TMEM135: variants seen among roughly 807,000 people sequenced by gnomAD.
The protein encoded by TMEM135 is transmembrane protein 135, also known as peroxisomal membrane protein 52.
Under a neutral mutation model 60.3 loss-of-function variants are expected in TMEM135, and 30 were observed. The observed-to-expected ratio is 0.50, with a 90% CI of 0.37 to 0.68. The LOEUF (loss-of-function observed/expected upper bound fraction) is 0.68. Among genes scored for constraint, TMEM135 ranks in the 30% least tolerant of loss-of-function variants. The pLI is 0.00. For missense variants in TMEM135, 468 were observed against 548.8 expected (o/e 0.85, Z 1.47); for synonymous variants, 190 against 186.7 (o/e 1.02, Z -0.14).
intron 4 of TMEM135, among the ~76,000 whole-genome samples, chr11:87,121,921 T>G (rs1297575118): frequency 3.9e-5 from 6 of 152,184 alleles, no homozygotes; most frequent in Non-Finnish European, 5.9e-5. Context: ...ATTATAGGCG[T>G]AAGCCACTGC....
chr11:87,131,928 A>G (rs1285377027), intron 4 of TMEM135, among the ~76,000 whole-genome samples: 3 of 151,952 alleles, frequency 2.0e-5, no homozygotes, highest in African/African-American at 7.3e-5. Context: ...TTCTCATAGG[A>G]GCGAACTCTT....
intron 5 of TMEM135, among the ~76,000 whole-genome samples, chr11:87,173,650 A>T (rs1299625609): frequency 3.3e-5 from 5 of 152,156 alleles, no homozygotes; most frequent in Non-Finnish European, 5.9e-5. Flanking sequence ...CTAAATCTTA[A>T]CTTATTTTTA....
intron 4 of TMEM135, among the ~76,000 whole-genome samples, chr11:87,109,611 T>A (rs1857690251): frequency 6.6e-6 from 1 of 152,200 alleles, no homozygotes; most frequent in Admixed American, 6.5e-5. Flanking sequence ...TATTAAGTAT[T>A]TTTGGATCAC....
rs192065081 is a variant in TMEM135 at position 87,043,024 on chromosome 11, C to T, written c.141+4838C>T. 7.1e-3 allele frequency among the ~76,000 whole-genome samples: 1,042 copies of T among 147,120 alleles called. 15 individuals carry two copies. The highest frequency in any genetic ancestry group is 0.024 in the African/African-American group (957 of 39,168). ...AGGCTGGAGTGCAGTGGTGTGATCT[C>T]GGCTCACTACAACCTCCGCCTCCCA... On this transcript the variant is annotated intron_variant, in intron 1 of 14. Coordinates refer to ENST00000305494, the MANE Select transcript of TMEM135 (RefSeq NM_022918.4).
At chr11:87,091,194 T>C (rs12421873) in intron 3 of TMEM135, among the ~76,000 whole-genome samples, 168 bp from the exon 4 acceptor site, 1 of 152,062 alleles carries the variant, frequency 6.6e-6, no homozygotes, top group Non-Finnish European at 1.5e-5. Flanking sequence ...TGCAGCTAAA[T>C]TTAGGTCAGA....
chr11:87,157,521 T>G, intron 5 of TMEM135, 115 bp downstream of exon 5: 1 of 896,706 alleles, frequency 1.1e-6, no homozygotes, highest in Non-Finnish European at 1.8e-6. Flanking sequence ...AGATATCTGA[T>G]GTATATAATA....
chr11:87,240,541 G>C (rs890603020), intron 6 of TMEM135, among the ~76,000 whole-genome samples: 4 of 151,736 alleles, frequency 2.6e-5, no homozygotes, highest in Admixed American at 6.6e-5. Flanking sequence ...GTAGAAAAGA[G>C]ATCAGTTTCT....
chr11:87,079,815 G>T (rs141991600), intron 3 of TMEM135, among the ~76,000 whole-genome samples: 3,009 of 148,814 alleles, frequency 0.02, 34 homozygotes, highest in Non-Finnish European at 0.028. Flanking sequence ...AAGATCATAT[G>T]ATCTTTTTTC....
At chr11:87,250,177 C>G (rs551362639) in intron 6 of TMEM135, among the ~76,000 whole-genome samples, 1 of 152,180 alleles carries the variant, frequency 6.6e-6, no homozygotes, top group African/African-American at 2.4e-5. Flanking sequence ...CCTTTTTCAT[C>G]TCTGATGTAT....
chr11:87,099,740 T>A (rs952508128), intron 4 of TMEM135, among the ~76,000 whole-genome samples: 3 of 144,646 alleles, frequency 2.1e-5, no homozygotes, highest in Non-Finnish European at 4.5e-5. Context: ...TGGAGTGCAG[T>A]GGCGTGATCT....
intron 6 of TMEM135, among the ~76,000 whole-genome samples, chr11:87,246,993 T>C (rs1256611018): frequency 6.8e-6 from 1 of 146,016 alleles, no homozygotes; most frequent in Non-Finnish European, 1.5e-5. Context: ...TTATCTACTT[T>C]TGGTCTTTGA....
chr11:87,046,614 A>G (rs1454405457), intron 1 of TMEM135, among the ~76,000 whole-genome samples: 1 of 152,222 alleles, frequency 6.6e-6, no homozygotes, highest in East Asian at 1.9e-4. Context: ...ACCATGAGAC[A>G]TTGAGAAATG....
At position 87,327,987 on chromosome 11, in the gene TMEM135, A is replaced by G. The variant is rs1354273058; in HGVS notation, c.*6654A>G. ...TTCTCTGCCTAGTCCACGCTAACTC[A>G]CATGCCAATCTCCTCTGGAAACACC... On this transcript the variant is annotated 3_prime_UTR_variant, in exon 15 of 15. Coordinates refer to ENST00000305494, the MANE Select transcript of TMEM135 (RefSeq NM_022918.4). 6.6e-6 allele frequency: 3 copies of G among 454,036 alleles called. No homozygotes were observed. The Admixed American group carries it at 7.0e-5, about 11-fold the overall frequency. The allele number at this position is 454,036 out of a possible 1,614,324, so 28.1% of individuals were successfully genotyped here.
chr11:87,323,432 CA>C lies in TMEM135; in HGVS notation c.*2101del. ...CAAAGAAACTTTGTGTTTTTGAAGA[CA>C]ATCAGAATGATTACCTTTCTACCTC... On this transcript the variant is annotated 3_prime_UTR_variant, in exon 15 of 15. Coordinates refer to ENST00000305494, the MANE Select transcript of TMEM135 (RefSeq NM_022918.4). 1 of 453,908 alleles carries C rather than the reference CA, an allele frequency of 2.2e-6. No homozygotes were observed. The highest frequency in any genetic ancestry group is 4.4e-6 in the Non-Finnish European group (1 of 226,708). The allele number at this position is 453,908 out of a possible 1,614,324, so 28.1% of individuals were successfully genotyped here. A position where few individuals can be genotyped will look rare whatever the true frequency, so the allele number is the denominator to read the frequency against.
chr11:87,196,387 A>T (rs67109296), intron 5 of TMEM135, among the ~76,000 whole-genome samples: 19,728 of 151,964 alleles, frequency 0.13, 1,676 homozygotes, highest in Non-Finnish European at 0.19. Flanking sequence ...TTTAAAAAAA[A>T]TTTCTAAGAA....
Position 87,327,222 on chromosome 11 carries a change from CCT to C in TMEM135, c.*5894_*5895del, listed in dbSNP as rs1266921777. 8.8e-6 allele frequency: 4 copies of C among 453,866 alleles called. No individual in the cohort carries two copies. The highest frequency in any genetic ancestry group is 2.4e-5 in the Admixed American group (1 of 42,538). The allele number at this position is 453,866 out of a possible 1,614,324, so 28.1% of individuals were successfully genotyped here. On this transcript the variant is annotated 3_prime_UTR_variant, in exon 15 of 15. Transcript: ENST00000305494. ...TGGGAAACACTTGGGAAAAATCTTC[CCT>C]CTCTGCTTAAAGGAAAGTTCTTTTT...
chr11:87,321,218 GA>G lies in TMEM135; in HGVS notation c.1266del (p.Val423SerfsTer27). ...TTTTACAGATTTGCTGTCATGAACC[GA>G]AAAGTCCTTGATGTTTTTGGTACTG... The part of the protein sequence containing the change: ...LTKGKFAVMN[R>X]KVLDVFGTGA... On this transcript the variant is annotated frameshift_variant, in exon 15 of 15. Transcript: ENST00000305494. LOFTEE classifies it high-confidence loss of function. 6.2e-7 allele frequency: 1 copy of G among 1,613,196 alleles called. No homozygotes were observed. Among genetic ancestry groups the G allele is most frequent in the South Asian group, 1.1e-5 (1 of 91,046 alleles).
At chr11:87,085,465 G>C (rs560659664) in intron 3 of TMEM135, among the ~76,000 whole-genome samples, 3 of 152,302 alleles carry the variant, frequency 2.0e-5, no homozygotes, top group East Asian at 1.9e-4. Flanking sequence ...AGAACTTAAA[G>C]ATGATTTAGG....
chr11:87,173,142 C>T (rs1939282722), intron 5 of TMEM135, among the ~76,000 whole-genome samples: 1 of 151,986 alleles, frequency 6.6e-6, no homozygotes, highest in Non-Finnish European at 1.5e-5. Flanking sequence ...TACTGCTTCC[C>T]TTCTAGCACT....
Sources: gnomAD v4.1 joint callset for allele counts (sites outside exome capture counted in the v4.1 genomes callset) on GRCh38, gnomAD v4.1.1 for gene constraint, MANE v1.5 for transcripts, NCBI Gene and HGNC (gene_info 2026-07-23, HGNC 2026-07-21) for gene names.